NDUFB7: variants seen among roughly 807,000 people sequenced by gnomAD.
NDUFB7 encodes the protein NADH dehydrogenase [ubiquinone] 1 beta subcomplex subunit 7.
Under a neutral mutation model 14.7 loss-of-function variants are expected in NDUFB7, and 18 were observed. The observed-to-expected ratio is 1.22, with a 90% confidence interval of 0.85 to 1.81. The LOEUF (loss-of-function observed/expected upper bound fraction) is 1.81, where lower values mean the gene tolerates loss of function less well. NDUFB7 is among the 40% of genes most tolerant of loss of function. The pLI is 0.00. For missense variants in NDUFB7, 219 were observed against 195.0 expected (o/e 1.12, Z -0.73); for synonymous variants, 86 against 76.1 (o/e 1.13, Z -0.68).
At chr19:14,571,839 A>T in intron 1 of NDUFB7, 50 bp downstream of exon 1, 1 of 1,537,276 alleles carries the variant, frequency 6.5e-7, no homozygotes, top group East Asian at 2.4e-5. Flanking sequence ...CCAGGTGTTC[A>T]GGCACCCGCG....
At chr19:14,570,272 T>A (rs1937000281) in intron 1 of NDUFB7, among the ~76,000 whole-genome samples, 1 of 151,706 alleles carries the variant, frequency 6.6e-6, no homozygotes, top group African/African-American at 2.4e-5. Context: ...TGATCTCGGC[T>A]CACTATAACC....
intron 1 of NDUFB7, among the ~76,000 whole-genome samples, 161 bp downstream of exon 1, chr19:14,571,728 G>A (rs2074126027): frequency 6.6e-6 from 1 of 152,230 alleles, no homozygotes; most frequent in Non-Finnish European, 1.5e-5. Context: ...CCTCCACACT[G>A]AGGTGGGGTC....
At chr19:14,568,377 G>A (rs2074105703) in intron 1 of NDUFB7, among the ~76,000 whole-genome samples, 1 of 152,132 alleles carries the variant, frequency 6.6e-6, no homozygotes, top group Non-Finnish European at 1.5e-5. Flanking sequence ...CGCCCCGTAT[G>A]TAGATGAGCC....
chr19:14,569,068 G>A (rs866220122), intron 1 of NDUFB7, among the ~76,000 whole-genome samples: 7 of 152,064 alleles, frequency 4.6e-5, no homozygotes, highest in South Asian at 4.1e-4. Context: ...CCAGCTACTC[G>A]GGAGGCTGAG....
chr19:14,568,724 A>C (rs2074107801), intron 1 of NDUFB7, among the ~76,000 whole-genome samples: 1 of 152,156 alleles, frequency 6.6e-6, no homozygotes, highest in Admixed American at 6.5e-5. Context: ...ATGTCCAGAA[A>C]AAAATAAAAT....
At chr19:14,566,711 G>A (rs1443054797) in intron 2 of NDUFB7, 54 bp downstream of exon 2, 4 of 1,482,308 alleles carry the variant, frequency 2.7e-6, no homozygotes, top group African/African-American at 2.8e-5. Flanking sequence ...TGGAAGGCTG[G>A]GGGTATGGGG....
intron 2 of NDUFB7, among the ~76,000 whole-genome samples, chr19:14,566,556 C>T (rs1158981532): frequency 1.3e-5 from 2 of 150,056 alleles, no homozygotes; most frequent in African/African-American, 2.5e-5. Flanking sequence ...CTAGAAACCT[C>T]AGTGGCAGTT....
intron 1 of NDUFB7, among the ~76,000 whole-genome samples, chr19:14,568,256 G>A (rs1253527738): frequency 1.3e-5 from 2 of 152,184 alleles, no homozygotes; most frequent in Non-Finnish European, 2.9e-5. Flanking sequence ...TGTTAGTCAG[G>A]CTGGTCTTGA....
In NDUFB7 at chr19:14,567,024, AG is replaced by A. The variant is rs2074095007; in HGVS notation, c.113-92del. ...GGGACCGAGGCACACGGCTTCAGGA[AG>A]GCACGGCTTGGGGTGTCCCCCATTC... On this transcript the variant is annotated intron_variant, in intron 1 of 2. Transcript: ENST00000215565. This position sits in a 1 kb window ranked among gnomAD's most constrained non-coding sequence, Gnocchi z 5.1. 2.2e-6 allele frequency: 3 copies of A among 1,353,320 alleles called. No homozygotes were observed. Among genetic ancestry groups the A allele is most frequent in the Non-Finnish European group, 2.0e-6 (2 of 1,001,810 alleles). 83.8% of individuals were successfully genotyped at this position (1,353,320 alleles called of 1,614,324 possible).
Position 14,572,011 on chromosome 19 carries a change from G to C in NDUFB7, c.-11C>G. ...CAGGTGGGCCCCCATGGCTGCAGTC[G>C]CTGCAGATCCCTGCAGCAGCCGAGG... On this transcript the variant is annotated 5_prime_UTR_variant, in exon 1 of 3. Transcript: ENST00000215565. The C allele has an allele frequency of 6.3e-7, 1 of 1,579,250 alleles. No individual in the cohort carries two copies. The highest frequency in any genetic ancestry group is 8.6e-7 in the Non-Finnish European group (1 of 1,162,014).
At position 14,571,929 on chromosome 19, in the gene NDUFB7, G is replaced by C; in HGVS notation, c.72C>G (p.Thr24=). The part of the protein sequence containing the change: ...SVEPDPLQMP[T]FPPDYGFPER... ...CGGGGAAGCCGTAGTCTGGCGGGAA[G>C]GTTGGCATCTGCAGGGGGTCGGGCT... Residue 24 remains threonine, a synonymous_variant, in exon 1 of 3, where the codon ACC becomes ACG. Transcript: ENST00000215565. The C allele has an allele frequency of 6.2e-7, 1 of 1,612,300 alleles. No individual in the cohort carries two copies. Among genetic ancestry groups the C allele is most frequent in the Non-Finnish European group, 8.5e-7 (1 of 1,179,530 alleles).
intron 1 of NDUFB7, among the ~76,000 whole-genome samples, chr19:14,570,480 G>A (rs2074118423): frequency 1.3e-5 from 2 of 151,806 alleles, no homozygotes; most frequent in Middle Eastern, 3.2e-3. Flanking sequence ...GATTATGGGT[G>A]TGAGACACCA....
intron 1 of NDUFB7, among the ~76,000 whole-genome samples, chr19:14,569,669 G>T (rs535237311): frequency 6.5e-4 from 99 of 152,292 alleles, no homozygotes; most frequent in Non-Finnish European, 7.4e-4. Flanking sequence ...AGCTGGGGCG[G>T]AAGGACTACC....
chr19:14,566,955 C>T (rs1161471562), intron 1 of NDUFB7, 22 bp from the exon 2 acceptor site: 1 of 1,560,674 alleles, frequency 6.4e-7, no homozygotes, highest in Non-Finnish European at 8.6e-7. Flanking sequence ...GGGCGGGGCT[C>T]AACCAGGCTG....
chr19:14,569,331 A>G (rs2074111334), intron 1 of NDUFB7, among the ~76,000 whole-genome samples: 1 of 152,052 alleles, frequency 6.6e-6, no homozygotes, highest in South Asian at 2.1e-4. Flanking sequence ...AAAATAAAAA[A>G]TTGTAGAGAC....
chr19:14,567,454 G>A lies in NDUFB7; in HGVS notation c.113-521C>T, dbSNP rs1202567795. ...GACCATCCGGTCATGGAAGTTACCCGAGCATCCACTGAGCTAACAGTACCT... is the reference window on the plus strand; with the variant it reads ...GACCATCCGGTCATGGAAGTTACCCAAGCATCCACTGAGCTAACAGTACCT... On this transcript the variant is annotated intron_variant, in intron 1 of 2. Transcript: ENST00000215565. The surrounding 1 kb of genome is among the most constrained non-coding windows in gnomAD (Gnocchi z 5.1). Among the ~76,000 whole-genome samples, 4 of 152,068 alleles carry A rather than the reference G, an allele frequency of 2.6e-5. No individual in the cohort carries two copies. Among genetic ancestry groups the A allele is most frequent in the Admixed American group, 6.6e-5 (1 of 15,262 alleles).
Position 14,566,254 on chromosome 19 carries a change from C to A in NDUFB7, c.293G>T (p.Arg98Leu), listed in dbSNP as rs372629564. The change falls in exon 3 of 3, where the codon CGC (arginine) becomes CTC (leucine). Residue 98 changes from arginine to leucine, a missense_variant. Transcript: ENST00000215565. Reference sequence around the variant, plus strand: ...CCGCTCCCGCTCAAACTCCTTCATGCGCATCACATAGCTGGGGGAAAAGCA... The same window carrying A: ...CCGCTCCCGCTCAAACTCCTTCATGAGCATCACATAGCTGGGGGAAAAGCA... ...DYCEHRDYVM[R>L]MKEFERERRL... is the part of the protein sequence containing the mutation. The A allele has an allele frequency of 1.2e-6, 2 of 1,614,074 alleles. No homozygotes were observed. Among genetic ancestry groups the A allele is most frequent in the East Asian group, 4.5e-5 (2 of 44,858 alleles).
At chr19:14,571,831 A>T in intron 1 of NDUFB7, 58 bp downstream of exon 1, 1 of 1,495,056 alleles carries the variant, frequency 6.7e-7, no homozygotes, top group Non-Finnish European at 9.1e-7. Context: ...CTGGGGTGCC[A>T]GGTGTTCAGG....
chr19:14,568,145 A>G (rs1243606116), intron 1 of NDUFB7, among the ~76,000 whole-genome samples: 2 of 152,180 alleles, frequency 1.3e-5, no homozygotes, highest in Non-Finnish European at 2.9e-5. Flanking sequence ...CCCAGGTTCA[A>G]GCAATTCTCC....
Sources: gnomAD v4.1 joint callset for allele counts (sites outside exome capture counted in the v4.1 genomes callset) on GRCh38, gnomAD v4.1.1 for gene constraint, Gnocchi (gnomAD v3.1) non-coding constraint, MANE v1.5 for transcripts, NCBI Gene and HGNC (gene_info 2026-07-23, HGNC 2026-07-21) for gene names.